The following JUP variants were observed in gnomAD, a reference collection of about 807,000 sequenced individuals.
JUP encodes catenin (cadherin-associated protein), gamma 80kDa.
In JUP, 28 loss-of-function variants were observed where a neutral mutation model predicts 71.1. That is an observed-to-expected ratio of 0.39 (90% CI 0.29 to 0.54). The LOEUF is 0.54. JUP is among the 20% of genes least tolerant of loss of function. The pLI is 0.62. For synonymous variants in JUP, 401 were observed against 438.9 expected, an observed-to-expected ratio of 0.91 and a Z score of 1.08; for missense variants, 869 against 1,030.1, an observed-to-expected ratio of 0.84 and a Z score of 2.14.
In JUP at chr17:41,782,865, G is replaced by A. The variant is rs146157652; in HGVS notation, c.-9+3723C>T. Among the ~76,000 whole-genome samples, 94 of 152,158 alleles carry A rather than the reference G, an allele frequency of 6.2e-4. 1 individual carries two copies. Among genetic ancestry groups the A allele is most frequent in the Middle Eastern group, 6.8e-3 (2 of 294 alleles). Reference sequence around the variant, plus strand: ...AATCCCAGCACTTTGGGAGGCTGAGGCGGGCGGATCTCCTGAAGGTCAGGA... The same window carrying A: ...AATCCCAGCACTTTGGGAGGCTGAGACGGGCGGATCTCCTGAAGGTCAGGA... On this transcript the variant is annotated intron_variant, in intron 1 of 13. Coordinates refer to ENST00000393931, the MANE Select transcript of JUP (RefSeq NM_002230.4).
At position 41,767,714 on chromosome 17, in the gene JUP, A is replaced by G. The variant is rs1442568907; in HGVS notation, c.708-134T>C. ...CCCTCTGGAAATATCCCTTTGCTAA[A>G]ATCTCATCACTCCTTGAGCCTGCCC... On this transcript the variant is annotated intron_variant, in intron 4 of 13. Coordinates refer to ENST00000393931, the MANE Select transcript of JUP (RefSeq NM_002230.4). The G allele has an allele frequency of 8.8e-6, 6 of 682,718 alleles. No homozygotes were observed. In the African/African-American group the frequency reaches 8.9e-5, roughly 10 times the overall value. The allele number at this position is 682,718 out of a possible 1,614,324, so 42.3% of individuals were successfully genotyped here.
intron 2 of JUP, chr17:41,771,304 T>A (rs1916612481): frequency 2.9e-6 from 1 of 349,698 alleles, no homozygotes; most frequent in Non-Finnish European, 5.5e-6. Context: ...AGTGCTGGGA[T>A]TACAGGCATG....
At chr17:41,771,178 T>C (rs1392241733) in intron 2 of JUP, among the ~76,000 whole-genome samples, 1 of 152,114 alleles carries the variant, frequency 6.6e-6, no homozygotes, top group Non-Finnish European at 1.5e-5. Flanking sequence ...TACAGGTGCA[T>C]GCGCCACCAC....
Position 41,771,857 on chromosome 17 carries a change from T to G in JUP, c.-3A>C, listed in dbSNP as rs1916706033. The G allele has an allele frequency of 1.9e-6, 3 of 1,608,488 alleles. No homozygotes were observed. The highest frequency in any genetic ancestry group is 2.2e-5 in the East Asian group (1 of 44,726). On this transcript the variant is annotated 5_prime_UTR_variant, in exon 2 of 14. Transcript: ENST00000393931. ...TCCATCAGGTTCATCACCTCCATCGTGGCTACTGGGGGCACAAAGGAGGAA... is the reference window on the plus strand; with the variant it reads ...TCCATCAGGTTCATCACCTCCATCGGGGCTACTGGGGGCACAAAGGAGGAA...
chr17:41,759,886 A>AT (rs1432961758), intron 8 of JUP, among the ~76,000 whole-genome samples: 23 of 151,264 alleles, frequency 1.5e-4, no homozygotes, highest in African/African-American at 3.4e-4. Flanking sequence ...TCACAATGAC[A>AT]TTTTTTTTTC....
intron 8 of JUP, among the ~76,000 whole-genome samples, chr17:41,762,160 AGAGAGAGAGAGAGAGAGTGTGTGT>A (rs1567808254): frequency 1.9e-5 from 2 of 107,442 alleles, no homozygotes; most frequent in African/African-American, 3.5e-5. Flanking sequence ...AGAGAGAGAG[AGAGAGAGAGAGAGAGAGTGTGTGT>A]GTGTGTGTGT....
chr17:41,776,036 T>G (rs1326318406), intron 1 of JUP: 13 of 979,510 alleles, frequency 1.3e-5, no homozygotes, highest in African/African-American at 1.8e-5. Context: ...TGGGCACATC[T>G]AGGCTGGGTT....
chr17:41,772,232 G>T (rs1916782934), intron 1 of JUP: 1 of 367,802 alleles, frequency 2.7e-6, no homozygotes, highest in South Asian at 2.3e-5. Flanking sequence ...GCAAGAGAAG[G>T]CACTCAGGGC....
At chr17:41,783,175 C>A (rs1452047120) in intron 1 of JUP, among the ~76,000 whole-genome samples, 3 of 151,974 alleles carry the variant, frequency 2.0e-5, no homozygotes, top group African/African-American at 7.3e-5. Flanking sequence ...ATCAGAGGAC[C>A]CAAACGTCAG....
At chr17:41,758,675 C>A (rs782653531) in intron 9 of JUP, 40 bp downstream of exon 9, 3 of 1,593,778 alleles carry the variant, frequency 1.9e-6, no homozygotes, top group Admixed American at 1.7e-5. Flanking sequence ...ACACCCTGAC[C>A]CCCCAGGAAG....
In JUP at chr17:41,771,703, C is replaced by T. The variant is rs571707598; in HGVS notation, c.152G>A (p.Arg51His). Residue 51 changes from arginine (R) to histidine (H), a missense_variant, in exon 2 of 14, where the codon CGC (arginine) becomes CAC (histidine). Physicochemically the swap from Arg to His is conservative, Grantham distance 29. Coordinates refer to ENST00000393931, the MANE Select transcript of JUP (RefSeq NM_002230.4). ...GGTGGTTTTCTTGAGCGTGTACTGG[C>T]GCCCGCAGGCCTCATCCTCCTCCAT... ...GIMEEDEACG[R>H]QYTLKKTTTY... 18 of 1,614,114 alleles carry T rather than the reference C, an allele frequency of 1.1e-5. No homozygotes were observed. The highest frequency in any genetic ancestry group is 6.7e-5 in the East Asian group (3 of 44,872).
chr17:41,780,701 C>T (rs1369091756), intron 1 of JUP, among the ~76,000 whole-genome samples: 1 of 51,444 alleles, frequency 1.9e-5, no homozygotes, highest in Non-Finnish European at 4.5e-5. Context: ...TCTCAAAAAA[C>T]AAACCAAAAA....
At chr17:41,760,200 T>C (rs1353278392) in intron 8 of JUP, among the ~76,000 whole-genome samples, 4 of 151,806 alleles carry the variant, frequency 2.6e-5, no homozygotes, top group Non-Finnish European at 4.4e-5. Context: ...TAATTCAATG[T>C]GTAGAATCAC....
Position 41,780,418 on chromosome 17 carries a change from G to A in JUP, c.-9+6170C>T, listed in dbSNP as rs562777913. Among the ~76,000 whole-genome samples, 10 of 152,114 alleles carry A rather than the reference G, an allele frequency of 6.6e-5. No homozygotes were observed. The South Asian group carries it at 2.1e-3, about 32-fold the overall frequency. Reference sequence around the variant, plus strand: ...CCTCAAAAAAAGGAAAGAAGGCCGGGCGCAGTGGCTCACGCCTGTAATCCC... The same window carrying A: ...CCTCAAAAAAAGGAAAGAAGGCCGGACGCAGTGGCTCACGCCTGTAATCCC... On this transcript the variant is annotated intron_variant, in intron 1 of 13. Coordinates refer to ENST00000393931, the MANE Select transcript of JUP (RefSeq NM_002230.4).
rs781945506 is a variant in JUP at position 41,758,791 on chromosome 17, C to A, written c.1577G>T (p.Arg526Leu). ...GGCCTTCACCAGCAGTTGGACGAGGCGGGGGATGACCGCTGCCTCCTGCAG... is the reference window on the plus strand; with the variant it reads ...GGCCTTCACCAGCAGTTGGACGAGGAGGGGGATGACCGCTGCCTCCTGCAG... ...APLQEAAVIPRLVQLLVKAHQ... is the reference protein window; with the variant it reads ...APLQEAAVIPLLVQLLVKAHQ... Residue 526 changes from arginine (R) to leucine (L), a missense_variant, in exon 9 of 14, where the codon CGC becomes CTC. By Grantham distance (102) the Arg-to-Leu change is moderately radical (BLOSUM62 -2). Coordinates refer to ENST00000393931, the MANE Select transcript of JUP (RefSeq NM_002230.4). The A allele has an allele frequency of 1.2e-6, 2 of 1,611,346 alleles. No individual in the cohort carries two copies. The highest frequency in any genetic ancestry group is 1.7e-6 in the Non-Finnish European group (2 of 1,178,770).
chr17:41,765,215 T>C (rs1915517687), intron 5 of JUP, 148 bp from the exon 6 acceptor site: 2 of 783,602 alleles, frequency 2.6e-6, no homozygotes, highest in Admixed American at 5.5e-5. Context: ...TTTTTCTTTT[T>C]ATAAAGATGG....
At chr17:41,756,125 C>A in intron 13 of JUP, 50 bp downstream of exon 13, 1 of 1,588,164 alleles carries the variant, frequency 6.3e-7, no homozygotes, top group Non-Finnish European at 8.6e-7. Context: ...CACACACCCA[C>A]ACAGCCGCCC....
chr17:41,756,002 G>A, intron 13 of JUP, 107 bp from the exon 14 acceptor site: 1 of 1,362,922 alleles, frequency 7.3e-7, no homozygotes, highest in Non-Finnish European at 9.8e-7. Flanking sequence ...CCCCTGGTGG[G>A]CCTGACCCCT....
chr17:41,782,152 G>C (rs1427226522), intron 1 of JUP, among the ~76,000 whole-genome samples: 2 of 152,152 alleles, frequency 1.3e-5, no homozygotes, highest in East Asian at 3.8e-4. Context: ...TCTGGTGTCA[G>C]ATGTCCAGTT....
Sources: allele counts gnomAD v4.1 joint callset (sites outside exome capture counted in the v4.1 genomes callset), GRCh38; gene constraint gnomAD v4.1.1; transcripts MANE v1.5; gene names NCBI Gene and HGNC (gene_info 2026-07-23, HGNC 2026-07-21).